Variants in FDFT1 observed in about 807,000 individuals in gnomAD.
The protein encoded by FDFT1 is farnesyl-diphosphate farnesyltransferase 1, also known as squalene synthase.
A neutral mutation model predicts 46.8 loss-of-function variants in FDFT1; 68 were observed. That is an observed-to-expected ratio of 1.45 (90% CI 1.19 to 1.78). The LOEUF (loss-of-function observed/expected upper bound fraction) is 1.78, where lower values mean the gene tolerates loss of function less well. Ranked by LOEUF, FDFT1 falls within the 40% of genes most tolerant of loss-of-function variation. The pLI is 0.00. For synonymous variants in FDFT1, 351 were observed against 185.1 expected, an observed-to-expected ratio of 1.90 and a Z score of -7.28; for missense variants, 928 against 524.4, an observed-to-expected ratio of 1.77 and a Z score of -7.52.
chr8:11,816,699 G>A (rs1808501237), intron 3 of FDFT1, among the ~76,000 whole-genome samples: 1 of 152,168 alleles, frequency 6.6e-6, no homozygotes, highest in African/African-American at 2.4e-5. Flanking sequence ...GAATGCTTGA[G>A]ATTTTTTGCA....
At chr8:11,823,033 C>T (rs1007232123) in intron 4 of FDFT1, among the ~76,000 whole-genome samples, 1 of 152,160 alleles carries the variant, frequency 6.6e-6, no homozygotes, top group African/African-American at 2.4e-5. Flanking sequence ...CGGCTCCCCG[C>T]AGCCTCAACC....
chr8:11,800,606 G>A (rs1427209175), upstream of FDFT1, among the ~76,000 whole-genome samples: 2 of 152,190 alleles, frequency 1.3e-5, no homozygotes, highest in East Asian at 3.8e-4. Context: ...AGAGGAACAG[G>A]CTATGACCTA....
intron 3 of FDFT1, among the ~76,000 whole-genome samples, chr8:11,812,179 T>C (rs1807807785): frequency 1.3e-5 from 2 of 152,212 alleles, no homozygotes; most frequent in African/African-American, 4.8e-5. Flanking sequence ...GCCATGGGAA[T>C]GTGCTTGTTC....
intron 5 of FDFT1, among the ~76,000 whole-genome samples, chr8:11,829,364 C>T (rs530470203): frequency 1.3e-5 from 2 of 152,224 alleles, no homozygotes; most frequent in Non-Finnish European, 2.9e-5. Context: ...ATCATCAAGC[C>T]GAATCCCACT....
In FDFT1 at chr8:11,820,470, G is replaced by T. The variant is rs536654393; in HGVS notation, c.382-1280G>T. On this transcript the variant is annotated intron_variant, in intron 3 of 7. Coordinates refer to ENST00000220584, the MANE Select transcript of FDFT1 (RefSeq NM_004462.5). Reference sequence around the variant, plus strand: ...TGCCCCCAGAGATGCAATCTAGAGAGGCAGTAGGCCTTGCTGAGCTGCGGT... The same window carrying T: ...TGCCCCCAGAGATGCAATCTAGAGATGCAGTAGGCCTTGCTGAGCTGCGGT... 4.2e-4 allele frequency among the ~76,000 whole-genome samples: 59 copies of T among 141,132 alleles called. 1 individual carries two copies. In the South Asian group the frequency reaches 0.013, roughly 31 times the overall value. 92.6% of individuals were successfully genotyped at this position (141,132 alleles called of 152,430 possible).
chr8:11,809,249 C>T (rs112053152), intron 2 of FDFT1: 12,247 of 1,150,110 alleles, frequency 0.011, 244 homozygotes, highest in Admixed American at 0.064. Context: ...TTTGAAGCTG[C>T]CTCTGTGCAC....
chr8:11,809,899 C>A, intron 3 of FDFT1, 49 bp downstream of exon 3: 4 of 1,438,654 alleles, frequency 2.8e-6, no homozygotes, highest in Non-Finnish European at 2.9e-6. Flanking sequence ...TTCATAATTG[C>A]TAACGTGGTT....
At chr8:11,832,550 T>TAAAAAAAA (rs1810947003) in intron 7 of FDFT1, among the ~76,000 whole-genome samples, 1 of 13,408 alleles carries the variant, frequency 7.5e-5, no homozygotes. Context: ...AGACTTTGTC[T>TAAAAAAAA]CAAAAAAAAA....
At chr8:11,809,264 C>G in intron 2 of FDFT1, 1 of 1,116,834 alleles carries the variant, frequency 9.0e-7, no homozygotes, top group East Asian at 6.2e-5. Context: ...GTGCACATTA[C>G]ACCCATGAAC....
At chr8:11,812,260 C>A (rs1025854014) in intron 3 of FDFT1, among the ~76,000 whole-genome samples, 12 of 152,214 alleles carry the variant, frequency 7.9e-5, no homozygotes, top group Non-Finnish European at 1.6e-4. Flanking sequence ...TCCCTGAGCC[C>A]ACGTCTGCGT....
intron 1 of FDFT1, among the ~76,000 whole-genome samples, chr8:11,804,138 C>A (rs77410505): frequency 0.012 from 1,775 of 152,302 alleles, 45 homozygotes; most frequent in African/African-American, 0.04. Context: ...ATAAAACTTA[C>A]TTTTTAGTGG....
intron 7 of FDFT1, among the ~76,000 whole-genome samples, chr8:11,835,367 A>C (rs1312398679): frequency 6.6e-6 from 1 of 152,190 alleles, no homozygotes; most frequent in Non-Finnish European, 1.5e-5. Context: ...AGGTAAGTCC[A>C]CGTCTGAGTA....
rs140885465 is a variant in FDFT1 at position 11,830,335 on chromosome 8, A to T, written c.794A>T (p.Asn265Ile). 3.1e-6 allele frequency: 5 copies of T among 1,613,660 alleles called. No individual in the cohort carries two copies. Among genetic ancestry groups the T allele is most frequent in the Non-Finnish European group, 4.2e-6 (5 of 1,179,726 alleles). The change falls in exon 6 of 8, where the codon AAT (asparagine) becomes ATT (isoleucine). Residue 265 changes from asparagine to isoleucine, a missense_variant. Asn to Ile is a moderately radical substitution (Grantham distance 149). Transcript: ENST00000220584. ...AVQCLNELIT[N>I]ALHHIPDVIT... Reference sequence around the variant, plus strand: ...CAGTGCCTGAATGAACTTATAACCAATGCACTGCACCACATCCCAGATGTC... The same window carrying T: ...CAGTGCCTGAATGAACTTATAACCATTGCACTGCACCACATCCCAGATGTC...
intron 1 of FDFT1, chr8:11,803,397 C>G: frequency 7.8e-7 from 1 of 1,289,526 alleles, no homozygotes; most frequent in Non-Finnish European, 1.0e-6. Flanking sequence ...GAGCTCTCCC[C>G]GCCTTGCTGC....
At chr8:11,797,708 G>A (rs1805708023), upstream of FDFT1, among the ~76,000 whole-genome samples, 2 of 151,670 alleles carry the variant, frequency 1.3e-5, no homozygotes, top group Non-Finnish European at 1.5e-5. Flanking sequence ...TAAAGGAGAG[G>A]CCAGGAAACA....
intron 3 of FDFT1, among the ~76,000 whole-genome samples, chr8:11,813,850 G>A (rs979258968): frequency 6.6e-6 from 1 of 152,158 alleles, no homozygotes; most frequent in Non-Finnish European, 1.5e-5. Context: ...GCTTATGGTC[G>A]TATCCGGGGA....
At chr8:11,810,774 G>A (rs538236312) in intron 3 of FDFT1, among the ~76,000 whole-genome samples, 13 of 152,128 alleles carry the variant, frequency 8.5e-5, no homozygotes, top group Non-Finnish European at 1.3e-4. Flanking sequence ...GCTCGAAGAA[G>A]CCCTTTTTGT....
At chr8:11,802,722 C>G (rs541656556), upstream of FDFT1, 9 of 826,996 alleles carry the variant, frequency 1.1e-5, no homozygotes, top group African/African-American at 6.8e-5. Flanking sequence ...AGGCCTGCCC[C>G]CTGTCCGGCC....
intron 5 of FDFT1, among the ~76,000 whole-genome samples, chr8:11,829,726 C>A (rs576618264): frequency 1.3e-5 from 2 of 152,204 alleles, no homozygotes; most frequent in Non-Finnish European, 2.9e-5. Context: ...CAGGTTGCAA[C>A]TGGACACTTA....
Sources: allele counts gnomAD v4.1 joint callset (sites outside exome capture counted in the v4.1 genomes callset), GRCh38; gene constraint gnomAD v4.1.1; transcripts MANE v1.5; gene names NCBI Gene and HGNC (gene_info 2026-07-23, HGNC 2026-07-21).